The following PDSS2 variants were observed in gnomAD, a reference collection of about 807,000 sequenced individuals.
PDSS2 encodes all trans-polyprenyl-diphosphate synthase PDSS2.
In PDSS2, 31 loss-of-function variants were observed where a neutral mutation model predicts 44.5. That is an observed-to-expected ratio of 0.70 (90% confidence interval 0.52 to 0.94). The LOEUF (loss-of-function observed/expected upper bound fraction) is 0.94, where lower values mean the gene tolerates loss of function less well. PDSS2 is among the 40% of genes least tolerant of loss of function. PDSS2 has a pLI of 0.00. For synonymous variants in PDSS2, 157 were observed against 180.3 expected, an observed-to-expected ratio of 0.87 and a Z score of 1.03; for missense variants, 452 against 482.2, an observed-to-expected ratio of 0.94 and a Z score of 0.59.
chr6:107,242,929 A>G (rs1432658414), intron 4 of PDSS2, among the ~76,000 whole-genome samples: 1 of 152,228 alleles, frequency 6.6e-6, no homozygotes, highest in African/African-American at 2.4e-5. Context: ...GCAGGGAAAG[A>G]GGACAGATGA....
At chr6:107,443,956 C>T (rs562908431) in intron 1 of PDSS2, among the ~76,000 whole-genome samples, 2 of 152,276 alleles carry the variant, frequency 1.3e-5, no homozygotes, top group South Asian at 2.1e-4. Flanking sequence ...ACTTGCTATG[C>T]GCCAGGTACT....
At chr6:107,310,263 C>T (rs1215539236) in intron 2 of PDSS2, among the ~76,000 whole-genome samples, 6 of 125,190 alleles carry the variant, frequency 4.8e-5, no homozygotes, top group African/African-American at 1.5e-4. Context: ...CCAGCATGGG[C>T]GACAGAGCAA....
chr6:107,428,403 C>T (rs993146031), intron 1 of PDSS2, among the ~76,000 whole-genome samples: 5 of 152,302 alleles, frequency 3.3e-5, no homozygotes, highest in East Asian at 1.9e-4. Flanking sequence ...AGATGAATGC[C>T]GTGACTAAGG....
intron 1 of PDSS2, among the ~76,000 whole-genome samples, chr6:107,427,633 G>A (rs1259533113): frequency 6.6e-6 from 1 of 152,120 alleles, no homozygotes; most frequent in Admixed American, 6.5e-5. Flanking sequence ...TTTGGTTAAG[G>A]GGTGGGAGCA....
chr6:107,282,883 A>AG (rs1459280386), intron 2 of PDSS2, among the ~76,000 whole-genome samples: 1 of 150,652 alleles, frequency 6.6e-6, no homozygotes, highest in African/African-American at 2.4e-5. Flanking sequence ...AAAAAAAAAA[A>AG]AAGAAGAATT....
chr6:107,399,619 A>G (rs948419216), intron 1 of PDSS2, among the ~76,000 whole-genome samples: 2 of 152,218 alleles, frequency 1.3e-5, no homozygotes, highest in South Asian at 2.1e-4. Context: ...GTAATGTGCT[A>G]TTCATTTTTA....
intron 4 of PDSS2, among the ~76,000 whole-genome samples, chr6:107,231,208 A>C (rs1774038536): frequency 6.6e-6 from 1 of 152,158 alleles, no homozygotes; most frequent in Admixed American, 6.5e-5. Flanking sequence ...TTACTTTTTA[A>C]ACCATATTTT....
chr6:107,221,860 T>A (rs1467662502), intron 4 of PDSS2, among the ~76,000 whole-genome samples: 1 of 152,088 alleles, frequency 6.6e-6, no homozygotes, highest in Non-Finnish European at 1.5e-5. Context: ...CCCGGAAAGG[T>A]GTCAAAGCCC....
At chr6:107,159,520 G>A (rs1192192871) in intron 7 of PDSS2, among the ~76,000 whole-genome samples, 3 of 150,880 alleles carry the variant, frequency 2.0e-5, no homozygotes, top group Non-Finnish European at 2.9e-5. Context: ...GGGTTCAAGC[G>A]ATTTTCCTGC....
chr6:107,261,695 C>T (rs1775234052), intron 3 of PDSS2, among the ~76,000 whole-genome samples: 2 of 150,800 alleles, frequency 1.3e-5, no homozygotes, highest in African/African-American at 4.9e-5. Flanking sequence ...CTCCTGCCTC[C>T]GCCTCCCGAG....
intron 3 of PDSS2, among the ~76,000 whole-genome samples, chr6:107,254,072 C>T (rs1220738077): frequency 1.4e-5 from 2 of 142,678 alleles, no homozygotes; most frequent in East Asian, 4.1e-4. Context: ...CTCACTCTGT[C>T]TCCCAGACTG....
intron 6 of PDSS2, among the ~76,000 whole-genome samples, chr6:107,209,776 G>A (rs2114620786): frequency 6.6e-6 from 1 of 152,088 alleles, no homozygotes; most frequent in Admixed American, 6.5e-5. Context: ...TGGTTTCTCT[G>A]TCCAGAGCCT....
At chr6:107,337,055 AC>A (rs1777925265) in intron 1 of PDSS2, among the ~76,000 whole-genome samples, 1 of 150,100 alleles carries the variant, frequency 6.7e-6, no homozygotes, top group African/African-American at 2.4e-5. Flanking sequence ...ACACACACAC[AC>A]ACACACACAC....
chr6:107,155,876 CCTTTTT>C (rs1351783581), intron 7 of PDSS2, among the ~76,000 whole-genome samples: 109 of 110,016 alleles, frequency 9.9e-4, no homozygotes, highest in African/African-American at 3.7e-3. Context: ...CCTTGCCCGG[CCTTTTT>C]TTTTTTTTTT....
intron 4 of PDSS2, among the ~76,000 whole-genome samples, chr6:107,230,842 C>T (rs568987787): frequency 2.0e-5 from 3 of 151,900 alleles, no homozygotes; most frequent in Non-Finnish European, 1.5e-5. Context: ...TCTACTGCTG[C>T]GAAAAAAATG....
chr6:107,199,657 G>A (rs1236451398), intron 6 of PDSS2, among the ~76,000 whole-genome samples: 1 of 152,168 alleles, frequency 6.6e-6, no homozygotes, highest in Non-Finnish European at 1.5e-5. Flanking sequence ...ATGAAAGCAA[G>A]GAAATTTTCT....
intron 7 of PDSS2, among the ~76,000 whole-genome samples, chr6:107,161,425 A>G (rs564037322): frequency 2.7e-5 from 4 of 150,682 alleles, no homozygotes; most frequent in East Asian, 4.0e-4. Flanking sequence ...GCTTGCAGTG[A>G]GCCGAGATTG....
intron 1 of PDSS2, among the ~76,000 whole-genome samples, chr6:107,357,595 A>G (rs953959301): frequency 1.3e-5 from 2 of 152,128 alleles, no homozygotes; most frequent in African/African-American, 4.8e-5. Context: ...TAAACAAATA[A>G]TGACACAAAC....
chr6:107,188,211 C>G lies in PDSS2; in HGVS notation c.1041+5611G>C, dbSNP rs138924951. On this transcript the variant is annotated intron_variant, in intron 7 of 7. Transcript: ENST00000369037. ...TGAGCAATGTGGTAAAACCCCATCT[C>G]TACAAAAAATACAAAAATTAGCTGC... Among the ~76,000 whole-genome samples, 420 of 152,144 alleles carry G rather than the reference C, an allele frequency of 2.8e-3. 2 individuals carry two copies. The highest frequency in any genetic ancestry group is 9.6e-3 in the African/African-American group (399 of 41,520).
Sources: gnomAD v4.1 joint callset for allele counts (sites outside exome capture counted in the v4.1 genomes callset) on GRCh38, gnomAD v4.1.1 for gene constraint, MANE v1.5 for transcripts, NCBI Gene and HGNC (gene_info 2026-07-23, HGNC 2026-07-21) for gene names.